The following DSCAM variants were observed in gnomAD, a reference collection of about 807,000 sequenced individuals.
DSCAM encodes cell adhesion molecule DSCAM.
In DSCAM, 47 loss-of-function variants were observed where a neutral mutation model predicts 217.7. That is an observed-to-expected ratio of 0.22 (90% CI 0.17 to 0.28). The LOEUF (loss-of-function observed/expected upper bound fraction) is 0.28. DSCAM is among the 10% of genes least tolerant of loss of function. The pLI is 1.00. For synonymous variants in DSCAM, 1,056 were observed against 1,015.3 expected (o/e 1.04, Z -0.76); for missense variants, 2,080 against 2,618.3 (o/e 0.79, Z 4.49).
chr21:40,827,468 CAA>C lies in DSCAM; in HGVS notation c.43+19149_43+19150del, dbSNP rs55906607. ...TAGGCCACAGAGTCAGTCCATGTCT[CAA>C]AAAAAAAAAAAAAAAAGAAAAGAAA... On this transcript the variant is annotated intron_variant, in intron 1 of 32. Transcript: ENST00000400454. Among the ~76,000 whole-genome samples the C allele has an allele frequency of 5.9e-3, 337 of 57,106 alleles. 1 individual carries two copies. Among genetic ancestry groups the C allele is most frequent in the African/African-American group, 0.018 (307 of 16,746 alleles). 37.5% of individuals were successfully genotyped at this position (57,106 alleles called of 152,430 possible).
intron 3 of DSCAM, among the ~76,000 whole-genome samples, chr21:40,516,906 T>TATATACAC (rs1555849637): frequency 1.7e-4 from 25 of 145,578 alleles, no homozygotes; most frequent in Middle Eastern, 3.6e-3. Context: ...TATATATATA[T>TATATACAC]ACACACACAC....
intron 3 of DSCAM, among the ~76,000 whole-genome samples, chr21:40,586,844 T>A (rs1384343837): frequency 6.6e-6 from 1 of 152,148 alleles, no homozygotes; most frequent in African/African-American, 2.4e-5. Context: ...AATATGACAG[T>A]CTTAATAGCA....
intron 21 of DSCAM, among the ~76,000 whole-genome samples, chr21:40,090,579 C>G (rs574631755): frequency 6.6e-6 from 1 of 152,312 alleles, no homozygotes; most frequent in East Asian, 1.9e-4. Flanking sequence ...TTGCAAGCAT[C>G]TGTTTTGAAT....
Position 40,202,102 on chromosome 21 carries a change from G to A in DSCAM, c.2357-12864C>T, listed in dbSNP as rs573337992. Among the ~76,000 whole-genome samples, 10 of 152,224 alleles carry A rather than the reference G, an allele frequency of 6.6e-5. No individual in the cohort carries two copies. The South Asian group carries it at 1.9e-3, about 28-fold the overall frequency. ...GGGAAGCCTGCCATGATATCACCAG[G>A]ATACCCATGTGGCCTATGGAGAGGA... is the stretch of plus-strand genomic sequence containing the variant. On this transcript the variant is annotated intron_variant, in intron 11 of 32. Coordinates refer to ENST00000400454, the MANE Select transcript of DSCAM (RefSeq NM_001389.5).
rs1555901196 is a variant in DSCAM, at chr21:40,301,612, A to ATCTGGTACCACAGCCTTTATTCCACTCG, written c.2063-5439_2063-5438insCGAGTGGAATAAAGGCTGTGGTACCAGA. Among the ~76,000 whole-genome samples the ATCTGGTACCACAGCCTTTATTCCACTCG allele has an allele frequency of 1.7e-5, 2 of 117,316 alleles. 1 individual carries two copies. Among genetic ancestry groups the ATCTGGTACCACAGCCTTTATTCCACTCG allele is most frequent in the African/African-American group, 1.0e-4 (2 of 19,854 alleles). 77.0% of individuals were successfully genotyped at this position (117,316 alleles called of 152,430 possible). A position where few individuals can be genotyped will look rare whatever the true frequency, so the allele number is the denominator to read the frequency against. The stretch of plus-strand genomic sequence containing the variant: ...ACTTACCATAGCCTTTATTACGCTC[A>ATCTGGTACCACAGCCTTTATTCCACTCG]TCTGGTATTGCTGTTTAACAGTCTG... On this transcript the variant is annotated intron_variant, in intron 9 of 32. Transcript: ENST00000400454.
chr21:40,251,387 T>C (rs989947551), intron 11 of DSCAM, among the ~76,000 whole-genome samples: 7 of 152,194 alleles, frequency 4.6e-5, no homozygotes, highest in African/African-American at 1.7e-4. Context: ...GATTTATCAC[T>C]ATATTAATTT....
intron 3 of DSCAM, among the ~76,000 whole-genome samples, chr21:40,395,058 T>A (rs568964613): frequency 6.6e-6 from 1 of 152,300 alleles, no homozygotes; most frequent in Admixed American, 6.5e-5. Flanking sequence ...CTGTGTTCAG[T>A]CAGTGTAATT....
chr21:40,183,473 G>T (rs1311399443), intron 14 of DSCAM, among the ~76,000 whole-genome samples: 1 of 151,940 alleles, frequency 6.6e-6, no homozygotes, highest in Non-Finnish European at 1.5e-5. Context: ...ACCAGAGTTA[G>T]GGGGGCAGGA....
At chr21:40,237,364 A>G (rs1256826561) in intron 11 of DSCAM, among the ~76,000 whole-genome samples, 1 of 151,918 alleles carries the variant, frequency 6.6e-6, no homozygotes, top group Non-Finnish European at 1.5e-5. Context: ...TCCCTCCCCT[A>G]GGCCCCCACC....
At chr21:40,701,199 T>C (rs2090653264) in intron 2 of DSCAM, among the ~76,000 whole-genome samples, 1 of 152,184 alleles carries the variant, frequency 6.6e-6, no homozygotes, top group South Asian at 2.1e-4. Flanking sequence ...CTTGATAGTT[T>C]GTGTTTCTCA....
intron 3 of DSCAM, among the ~76,000 whole-genome samples, chr21:40,634,135 C>T (rs368063430): frequency 2.2e-4 from 34 of 152,156 alleles, no homozygotes; most frequent in African/African-American, 6.7e-4. Context: ...TATTGAAAGA[C>T]GACTTGATGA....
At chr21:40,097,961 AG>A (rs59653564) in intron 20 of DSCAM, among the ~76,000 whole-genome samples, 14,045 of 62,056 alleles carry the variant, frequency 0.23, 3,938 homozygotes, top group East Asian at 0.35. Context: ...AAAAAAAGAA[AG>A]AAAGAAAGAA....
rs778544750 is a variant in DSCAM, at chr21:40,353,674, A to C, written c.725T>G (p.Val242Gly). ...CCCGAGCGCTTTGCAAGGCAGCTCC[A>C]CACGCTGCCCAGCCATGGCTTTGCG... ...DHRKAMAGQR[V>G]ELPCKALGHP... The change falls in exon 5 of 33, where the codon GTG (valine) becomes GGG (glycine). Residue 242 changes from valine to glycine, a missense_variant. Physicochemically the swap from Val to Gly is moderately radical, Grantham distance 109. This residue lies in a region of DSCAM where 568 missense variants were observed against 678.1 expected (regional missense o/e 0.84). Coordinates refer to ENST00000400454, the MANE Select transcript of DSCAM (RefSeq NM_001389.5). The C allele has an allele frequency of 6.2e-7, 1 of 1,609,348 alleles. No homozygotes were observed. The highest frequency in any genetic ancestry group is 8.5e-7 in the Non-Finnish European group (1 of 1,178,698).
chr21:40,606,028 T>C (rs111757767), intron 3 of DSCAM, among the ~76,000 whole-genome samples: 2,584 of 152,160 alleles, frequency 0.017, 60 homozygotes, highest in African/African-American at 0.059. Flanking sequence ...GTCAAACTCC[T>C]GAACTCAGGC....
chr21:40,187,000 A>T, intron 14 of DSCAM, 131 bp downstream of exon 14: 2 of 1,116,212 alleles, frequency 1.8e-6, no homozygotes, highest in Non-Finnish European at 2.5e-6. Context: ...CAGCAAGGAG[A>T]CTGGGGGAAG....
At chr21:40,457,309 C>A (rs902448563) in intron 3 of DSCAM, among the ~76,000 whole-genome samples, 1 of 151,816 alleles carries the variant, frequency 6.6e-6, no homozygotes, top group Non-Finnish European at 1.5e-5. Flanking sequence ...CCTAGGAGTT[C>A]GAGACCAGCC....
At chr21:40,736,675 C>T (rs984521000) in intron 1 of DSCAM, among the ~76,000 whole-genome samples, 1 of 152,180 alleles carries the variant, frequency 6.6e-6, no homozygotes, top group Admixed American at 6.5e-5. Context: ...TTCAGGACAT[C>T]TCAAGGGTTT....
chr21:40,395,214 G>A (rs907913936), intron 3 of DSCAM, among the ~76,000 whole-genome samples: 2 of 152,074 alleles, frequency 1.3e-5, no homozygotes, highest in African/African-American at 4.8e-5. Context: ...CTTGAGAAGA[G>A]ACTATTAGGG....
chr21:40,498,157 A>G (rs1214460047), intron 3 of DSCAM, among the ~76,000 whole-genome samples: 1 of 152,166 alleles, frequency 6.6e-6, no homozygotes, highest in African/African-American at 2.4e-5. Flanking sequence ...AATGTTTGGC[A>G]CAGTGCCTCC....
Sources: allele counts gnomAD v4.1 joint callset (sites outside exome capture counted in the v4.1 genomes callset), GRCh38; gene constraint gnomAD v4.1.1; regional missense constraint gnomAD v4.1.1; transcripts MANE v1.5; gene names NCBI Gene and HGNC (gene_info 2026-07-23, HGNC 2026-07-21).